Variants in ZNF365 observed in about 807,000 individuals in gnomAD.
ZNF365 encodes the protein protein ZNF365.
In ZNF365, 22 loss-of-function variants were observed where a neutral mutation model predicts 35.0. The ratio of observed to expected loss-of-function variants is 0.63; its 90% CI spans 0.45 to 0.90. The LOEUF (loss-of-function observed/expected upper bound fraction) is 0.90. ZNF365 is among the 40% of genes least tolerant of loss of function. The pLI is 0.00. For synonymous variants in ZNF365, 188 were observed against 196.2 expected (o/e 0.96, Z 0.35); for missense variants, 448 against 500.3 (o/e 0.90, Z 1.00).
At chr10:62,449,965 C>G (rs962142550) in intron 3 of ZNF365, among the ~76,000 whole-genome samples, 53 of 152,112 alleles carry the variant, frequency 3.5e-4, no homozygotes, top group African/African-American at 1.2e-3. Context: ...TCAGATAATT[C>G]AAATGTAAGC....
chr10:62,376,928 G>A lies in ZNF365; in HGVS notation c.735G>A (p.Arg245=). Residue 245 remains arginine, a synonymous_variant, in exon 2 of 5, where the codon AGG becomes AGA. Coordinates refer to ENST00000395254, the MANE Select transcript of ZNF365 (RefSeq NM_014951.3). ...CGGAATCTGAGGAGGAGCTTCTTAGGAAAGAAGAGTAAGTGTTGCTGACAG... is the reference window on the plus strand; with the variant it reads ...CGGAATCTGAGGAGGAGCTTCTTAGAAAAGAAGAGTAAGTGTTGCTGACAG... ...RLTESEEELL[R]KEEEVVTFNH... 1 of 1,605,890 alleles carries A rather than the reference G, an allele frequency of 6.2e-7. No homozygotes were observed. The highest frequency in any genetic ancestry group is 8.5e-7 in the Non-Finnish European group (1 of 1,176,950).
chr10:62,388,624 T>G, intron 3 of ZNF365, 48 bp downstream of exon 3: 1 of 1,603,884 alleles, frequency 6.2e-7, no homozygotes. Flanking sequence ...CTGTGGTTGG[T>G]GAGAATGGGC....
intron 4 of ZNF365, among the ~76,000 whole-genome samples, chr10:62,398,992 T>G (rs1024281006): frequency 1.3e-5 from 2 of 152,240 alleles, no homozygotes; most frequent in African/African-American, 4.8e-5. Context: ...TATATACCAC[T>G]ATGATGGCAC....
intron 3 of ZNF365, among the ~76,000 whole-genome samples, chr10:62,422,823 A>G (rs1451567580): frequency 6.6e-6 from 1 of 152,122 alleles, no homozygotes; most frequent in Admixed American, 6.6e-5. Flanking sequence ...AGAAAAGAAA[A>G]CTGCATATGA....
chr10:62,437,318 T>C (rs1840423312), intron 3 of ZNF365, among the ~76,000 whole-genome samples: 2 of 152,332 alleles, frequency 1.3e-5, no homozygotes, highest in South Asian at 2.1e-4. Flanking sequence ...TGTAGTTTTC[T>C]GAAATTTATC....
At chr10:62,384,798 C>T (rs532167911) in intron 2 of ZNF365, among the ~76,000 whole-genome samples, 14 of 152,176 alleles carry the variant, frequency 9.2e-5, no homozygotes, top group East Asian at 1.9e-4. Flanking sequence ...TACTTTCTTA[C>T]GTTGAAATCT....
intron 3 of ZNF365, among the ~76,000 whole-genome samples, chr10:62,415,528 A>G (rs1490441516): frequency 6.6e-6 from 1 of 152,144 alleles, no homozygotes; most frequent in African/African-American, 2.4e-5. Flanking sequence ...TCTCATTAGC[A>G]TTATGAAACA....
At chr10:62,416,815 T>G (rs1433038156) in intron 3 of ZNF365, among the ~76,000 whole-genome samples, 1 of 152,114 alleles carries the variant, frequency 6.6e-6, no homozygotes, top group African/African-American at 2.4e-5. Context: ...CCAGTGAGCA[T>G]TTCATTTGAG....
At chr10:62,405,455 T>G (rs545800975), downstream of ZNF365, among the ~76,000 whole-genome samples, 1 of 152,312 alleles carries the variant, frequency 6.6e-6, no homozygotes, top group Admixed American at 6.5e-5. Flanking sequence ...GGAATTGTCC[T>G]TCTACATCTC....
chr10:62,403,627 C>G (rs1839864561), downstream of ZNF365, among the ~76,000 whole-genome samples: 3 of 152,178 alleles, frequency 2.0e-5, no homozygotes, highest in African/African-American at 7.2e-5. Flanking sequence ...CACTGCACTC[C>G]AGCCTGGGTG....
chr10:62,471,183 G>A (rs913137262), intron 4 of ZNF365, among the ~76,000 whole-genome samples: 9 of 151,870 alleles, frequency 5.9e-5, no homozygotes, highest in Non-Finnish European at 8.8e-5. Flanking sequence ...TGGCTAACAT[G>A]GTGAAACCCT....
chr10:62,429,766 T>C (rs1426499710), intron 3 of ZNF365, among the ~76,000 whole-genome samples: 1 of 152,170 alleles, frequency 6.6e-6, no homozygotes, highest in Non-Finnish European at 1.5e-5. Context: ...TTATCTCTCT[T>C]TTGCCCATCA....
chr10:62,449,043 A>G (rs1449873906), intron 3 of ZNF365, among the ~76,000 whole-genome samples: 1 of 152,212 alleles, frequency 6.6e-6, no homozygotes, highest in Non-Finnish European at 1.5e-5. Flanking sequence ...AAATGGATCC[A>G]ATGTGGAAAA....
chr10:62,407,256 G>A (rs1839919185), downstream of ZNF365, among the ~76,000 whole-genome samples: 1 of 152,218 alleles, frequency 6.6e-6, no homozygotes, highest in Non-Finnish European at 1.5e-5. Flanking sequence ...CTTCCCCATA[G>A]TGGTTTGTGG....
intron 3 of ZNF365, among the ~76,000 whole-genome samples, chr10:62,444,824 T>A (rs1840558777): frequency 2.0e-5 from 3 of 152,130 alleles, no homozygotes; most frequent in Admixed American, 6.5e-5. Flanking sequence ...GGGCACATAG[T>A]GCAGGTCAGT....
In ZNF365 at chr10:62,389,907, G is replaced by C. The variant is rs116394051; in HGVS notation, c.924+1331G>C. Among the ~76,000 whole-genome samples the C allele has an allele frequency of 5.9e-3, 891 of 152,210 alleles. 9 individuals are homozygous for C. Among genetic ancestry groups the C allele is most frequent in the African/African-American group, 0.02 (850 of 41,528 alleles). On this transcript the variant is annotated intron_variant, in intron 3 of 4. Coordinates refer to ENST00000395254, the MANE Select transcript of ZNF365 (RefSeq NM_014951.3). Reference sequence around the variant, plus strand: ...TGGGTGGATGTCTGTGGTCTTCTACGTAAAATGCTTCTGAGGGGGAAGTCA... The same window carrying C: ...TGGGTGGATGTCTGTGGTCTTCTACCTAAAATGCTTCTGAGGGGGAAGTCA...
intron 3 of ZNF365, among the ~76,000 whole-genome samples, chr10:62,455,016 G>A (rs1840740573): frequency 6.6e-6 from 1 of 152,188 alleles, no homozygotes; most frequent in Admixed American, 6.5e-5. Context: ...GTTTGTGGGT[G>A]GAGACTTGGA....
chr10:62,410,770 T>A (rs1322304416), intron 3 of ZNF365, among the ~76,000 whole-genome samples: 1 of 152,126 alleles, frequency 6.6e-6, no homozygotes, highest in East Asian at 1.9e-4. Context: ...CTATCACTGA[T>A]GGGCATTTGG....
chr10:62,422,306 G>A (rs1314834020), intron 3 of ZNF365, among the ~76,000 whole-genome samples: 1 of 152,140 alleles, frequency 6.6e-6, no homozygotes, highest in African/African-American at 2.4e-5. Flanking sequence ...AATATAAGTC[G>A]CTATGCCTTA....
Sources: allele counts gnomAD v4.1 joint callset (sites outside exome capture counted in the v4.1 genomes callset), GRCh38; gene constraint gnomAD v4.1.1; transcripts MANE v1.5; gene names NCBI Gene and HGNC (gene_info 2026-07-23, HGNC 2026-07-21).